The following GNAL variants were observed in gnomAD, a reference collection of about 807,000 sequenced individuals.
GNAL encodes G protein subunit alpha L.
In GNAL, 18 loss-of-function variants were observed where a neutral mutation model predicts 55.1. That is an observed-to-expected ratio of 0.33 (90% CI 0.23 to 0.48). The LOEUF (loss-of-function observed/expected upper bound fraction) is 0.48, where lower values mean the gene tolerates loss of function less well. Among genes scored for constraint, GNAL ranks in the 20% least tolerant of loss-of-function variants. The pLI is 0.99. For synonymous variants in GNAL, 253 were observed against 237.0 expected (o/e 1.07, Z -0.62); for missense variants, 412 against 614.1 (o/e 0.67, Z 3.48).
intron 4 of GNAL, among the ~76,000 whole-genome samples, chr18:11,801,814 C>T (rs2034529300): frequency 6.6e-6 from 1 of 152,030 alleles, no homozygotes; most frequent in Admixed American, 6.6e-5. Context: ...ACAAACCTGC[C>T]TTCCCCTGTG....
chr18:11,746,207 T>G (rs2032684663), intron 1 of GNAL: 3 of 536,622 alleles, frequency 5.6e-6, no homozygotes, highest in Non-Finnish European at 1.1e-5. Context: ...ATCATCACTG[T>G]AGGTACAACC....
At chr18:11,852,446 G>C (rs1044251196) in intron 5 of GNAL, 1 of 266,518 alleles carries the variant, frequency 3.8e-6, no homozygotes, top group Admixed American at 5.0e-5. Flanking sequence ...GAAGGTGGTT[G>C]GTTTTTATTA....
intron 5 of GNAL, among the ~76,000 whole-genome samples, chr18:11,827,661 C>T (rs761942041): frequency 9.2e-5 from 7 of 75,782 alleles, no homozygotes; most frequent in Non-Finnish European, 1.7e-4. Context: ...CTGCCATGCA[C>T]GACAAGTCCT....
chr18:11,742,800 A>C (rs2032607147), intron 1 of GNAL, among the ~76,000 whole-genome samples: 1 of 152,106 alleles, frequency 6.6e-6, no homozygotes, highest in Non-Finnish European at 1.5e-5. Context: ...AAGGACCCTC[A>C]CACACCCCTC....
chr18:11,873,816 C>T (rs532096284), intron 10 of GNAL, among the ~76,000 whole-genome samples: 2 of 152,322 alleles, frequency 1.3e-5, no homozygotes, highest in African/African-American at 2.4e-5. Flanking sequence ...CTTGCCACCT[C>T]CTGTCACTCA....
intron 1 of GNAL, among the ~76,000 whole-genome samples, chr18:11,731,480 T>C (rs562969040): frequency 3.3e-5 from 5 of 152,326 alleles, no homozygotes; most frequent in Admixed American, 2.0e-4. Flanking sequence ...TTTCTGAGGT[T>C]ACCCTTGGCC....
chr18:11,873,526 G>A (rs574989335), intron 10 of GNAL, among the ~76,000 whole-genome samples: 1 of 152,364 alleles, frequency 6.6e-6, no homozygotes, highest in South Asian at 2.1e-4. Flanking sequence ...ACCAGACCCA[G>A]CTGCTTTCAT....
At chr18:11,848,811 T>G (rs1485299138) in intron 5 of GNAL, among the ~76,000 whole-genome samples, 1 of 152,206 alleles carries the variant, frequency 6.6e-6, no homozygotes, top group Non-Finnish European at 1.5e-5. Context: ...CAACTCTGTC[T>G]TCTCAAAAAA....
At chr18:11,765,078 A>T (rs1460875197) in intron 4 of GNAL, among the ~76,000 whole-genome samples, 4 of 152,230 alleles carry the variant, frequency 2.6e-5, no homozygotes, top group Non-Finnish European at 1.5e-5. Flanking sequence ...CTGCTTTGTC[A>T]TCATAAAAAA....
At chr18:11,704,910 T>C (rs2031668378) in intron 1 of GNAL, among the ~76,000 whole-genome samples, 2 of 152,182 alleles carry the variant, frequency 1.3e-5, no homozygotes, top group South Asian at 2.1e-4. Flanking sequence ...CCATCACCTC[T>C]GAAAGTTTCC....
intron 4 of GNAL, among the ~76,000 whole-genome samples, chr18:11,792,699 A>G (rs2034271558): frequency 1.3e-5 from 2 of 152,252 alleles, no homozygotes. Context: ...GTTAGAGCTC[A>G]ATAAATATTT....
chr18:11,845,866 C>T (rs997722823), intron 5 of GNAL, among the ~76,000 whole-genome samples: 1 of 152,094 alleles, frequency 6.6e-6, no homozygotes, highest in African/African-American at 2.4e-5. Flanking sequence ...GCTGTGTCAG[C>T]TCTATATGGT....
At chr18:11,713,726 G>A (rs1326296125) in intron 1 of GNAL, among the ~76,000 whole-genome samples, 1 of 152,190 alleles carries the variant, frequency 6.6e-6, no homozygotes, top group Non-Finnish European at 1.5e-5. Context: ...AGGCTGTAGA[G>A]CCAGGACCTG....
chr18:11,774,518 C>G (rs2143303895), intron 4 of GNAL, among the ~76,000 whole-genome samples: 1 of 152,320 alleles, frequency 6.6e-6, no homozygotes, highest in South Asian at 2.1e-4. Context: ...ATGGCGACCA[C>G]TGCTTGAACA....
chr18:11,796,600 A>AAC (rs1210327904), intron 4 of GNAL, among the ~76,000 whole-genome samples: 6 of 149,776 alleles, frequency 4.0e-5, no homozygotes, highest in African/African-American at 1.5e-4. Context: ...AAAAAACAAA[A>AAC]CACGCAACCT....
At chr18:11,822,095 C>A (rs1385295653) in intron 4 of GNAL, among the ~76,000 whole-genome samples, 1 of 152,222 alleles carries the variant, frequency 6.6e-6, no homozygotes, top group African/African-American at 2.4e-5. Flanking sequence ...GCACCGCAGG[C>A]GCGGGGCGAG....
intron 4 of GNAL, among the ~76,000 whole-genome samples, chr18:11,762,349 T>G (rs943616729): frequency 2.0e-5 from 3 of 152,206 alleles, no homozygotes; most frequent in Non-Finnish European, 4.4e-5. Flanking sequence ...AGAGGTCACG[T>G]GGACTGCCCT....
Position 11,752,337 on chromosome 18 carries a change from AAG to A in GNAL, c.377-511_377-510del, listed in dbSNP as rs2032873739. 2.7e-6 allele frequency: 4 copies of A among 1,488,588 alleles called. No individual in the cohort carries two copies. Among genetic ancestry groups the A allele is most frequent in the African/African-American group, 1.5e-5 (1 of 68,564 alleles). 92.2% of individuals were successfully genotyped at this position (1,488,588 alleles called of 1,614,324 possible). On this transcript the variant is annotated intron_variant, in intron 1 of 11. Coordinates refer to ENST00000334049, the MANE Select transcript of GNAL (RefSeq NM_182978.4). This position sits in a 1 kb window ranked among gnomAD's most constrained non-coding sequence, Gnocchi z 4.5. Reference sequence around the variant, plus strand: ...CAGACCATCTCTTTCAGCAGCAGGAAAGAGAGGAGCCGTCGCAGGAGCCGCAC... The same window carrying A: ...CAGACCATCTCTTTCAGCAGCAGGAAAGAGGAGCCGTCGCAGGAGCCGCAC...
At chr18:11,734,129 A>G (rs1168359870) in intron 1 of GNAL, among the ~76,000 whole-genome samples, 1 of 150,198 alleles carries the variant, frequency 6.7e-6, no homozygotes, top group Non-Finnish European at 1.5e-5. Context: ...AAGAGCAATA[A>G]GCTTTTCTTT....
Sources: allele counts gnomAD v4.1 joint callset (sites outside exome capture counted in the v4.1 genomes callset), GRCh38; gene constraint gnomAD v4.1.1; non-coding constraint Gnocchi (gnomAD v3.1); transcripts MANE v1.5; gene names NCBI Gene and HGNC (gene_info 2026-07-23, HGNC 2026-07-21).